ARNT: variants seen among roughly 807,000 people sequenced by gnomAD.
The protein encoded by ARNT is class E basic helix-loop-helix protein 2.
ARNT carries 30 observed loss-of-function variants against 105.0 expected under a neutral mutation model. The observed-to-expected ratio is 0.29, with a 90% CI of 0.21 to 0.39. The LOEUF is 0.39. ARNT is among the 10% of genes least tolerant of loss of function. The pLI is 1.00. For missense variants in ARNT, 748 were observed against 978.7 expected (o/e 0.76, Z 3.15); for synonymous variants, 304 against 344.0 (o/e 0.88, Z 1.29).
intron 19 of ARNT, among the ~76,000 whole-genome samples, chr1:150,815,588 G>T (rs1224540956): frequency 2.7e-5 from 4 of 150,514 alleles, no homozygotes; most frequent in African/African-American, 9.8e-5. Flanking sequence ...AGCCAGGCGC[G>T]GTGGCTCACG....
chr1:150,864,274 G>T (rs1190334060), intron 1 of ARNT, among the ~76,000 whole-genome samples: 1 of 152,052 alleles, frequency 6.6e-6, no homozygotes, highest in African/African-American at 2.4e-5. Context: ...CATCATACAT[G>T]CAGTCCTTTG....
chr1:150,819,148 C>T (rs985920700), intron 14 of ARNT, among the ~76,000 whole-genome samples: 1 of 151,764 alleles, frequency 6.6e-6, no homozygotes, highest in African/African-American at 2.4e-5. Context: ...GAGGTGGATT[C>T]AAGGCCAATT....
intron 19 of ARNT, among the ~76,000 whole-genome samples, chr1:150,815,978 A>G (rs1557849100): frequency 6.6e-6 from 1 of 152,178 alleles, no homozygotes; most frequent in Non-Finnish European, 1.5e-5. Flanking sequence ...AAGAGGAAAC[A>G]TCTTAGAATT....
At chr1:150,844,561 T>G (rs1661834318) in intron 4 of ARNT, among the ~76,000 whole-genome samples, 1 of 152,212 alleles carries the variant, frequency 6.6e-6, no homozygotes, top group Admixed American at 6.5e-5. Context: ...AAATACTAAG[T>G]GCTAAGTGCT....
At chr1:150,835,681 CCAGTT>C (rs1386001430) in intron 7 of ARNT, among the ~76,000 whole-genome samples, 4 of 152,112 alleles carry the variant, frequency 2.6e-5, no homozygotes, top group African/African-American at 9.7e-5. Flanking sequence ...ATTTTAACTA[CCAGTT>C]TTTTTATCTG....
At chr1:150,827,060 A>G (rs1390902924) in intron 12 of ARNT, among the ~76,000 whole-genome samples, 3 of 152,132 alleles carry the variant, frequency 2.0e-5, no homozygotes, top group Non-Finnish European at 4.4e-5. Context: ...GAGAAAAAAA[A>G]AAGACAATAA....
chr1:150,843,343 A>T (rs1661603880), intron 4 of ARNT, among the ~76,000 whole-genome samples: 1 of 152,220 alleles, frequency 6.6e-6, no homozygotes, highest in African/African-American at 2.4e-5. Flanking sequence ...GAATGTGTCA[A>T]TTCCATTTTA....
intron 7 of ARNT, chr1:150,835,002 T>C (rs1445495174): frequency 4.8e-6 from 1 of 206,282 alleles, no homozygotes; most frequent in Admixed American, 5.0e-5. Context: ...CAAGTACTTT[T>C]CTGTAGTCCC....
chr1:150,810,838 A>T lies in ARNT; in HGVS notation c.*1183T>A, dbSNP rs1240493557. ...CCAATCTCAAGATTGGAGGGAGCAA[A>T]GAGGAAAAACCTCTTAGGGCCAGAG... On this transcript the variant is annotated 3_prime_UTR_variant, in exon 22 of 22. Coordinates refer to ENST00000358595, the MANE Select transcript of ARNT (RefSeq NM_001668.4). 4.5e-6 allele frequency: 1 copy of T among 223,068 alleles called. No individual in the cohort carries two copies. Among genetic ancestry groups the T allele is most frequent in the Non-Finnish European group, 9.0e-6 (1 of 111,304 alleles). The allele number at this position is 223,068 out of a possible 1,614,324, so 13.8% of individuals were successfully genotyped here.
At chr1:150,866,140 G>A (rs587752386) in intron 1 of ARNT, among the ~76,000 whole-genome samples, 6 of 152,076 alleles carry the variant, frequency 3.9e-5, no homozygotes, top group East Asian at 1.9e-4. Flanking sequence ...ACACCACCAC[G>A]TCCAACTAAT....
chr1:150,825,255 T>G (rs1183747666), intron 13 of ARNT, among the ~76,000 whole-genome samples: 1 of 152,206 alleles, frequency 6.6e-6, no homozygotes, highest in Non-Finnish European at 1.5e-5. Context: ...TAAACAGTAT[T>G]AGAAGCTAAC....
intron 1 of ARNT, among the ~76,000 whole-genome samples, chr1:150,864,836 T>TA (rs1290570123): frequency 1.3e-3 from 135 of 102,996 alleles, no homozygotes; most frequent in Admixed American, 2.4e-3. Context: ...TGGTGGAATG[T>TA]AAAAAAAAAA....
chr1:150,817,009 G>A (rs2101608897), intron 17 of ARNT, 73 bp downstream of exon 17: 2 of 1,603,896 alleles, frequency 1.2e-6, no homozygotes, highest in Non-Finnish European at 1.7e-6. Context: ...GAAGATTACT[G>A]ACTGGGCAGT....
At chr1:150,856,436 T>C (rs1473875555) in intron 2 of ARNT, among the ~76,000 whole-genome samples, 1 of 146,216 alleles carries the variant, frequency 6.8e-6, no homozygotes, top group African/African-American at 2.6e-5. Context: ...CGAGACTCCA[T>C]CTCAAAAAAA....
chr1:150,855,790 T>A (rs1664495411), intron 2 of ARNT, among the ~76,000 whole-genome samples: 1 of 150,512 alleles, frequency 6.6e-6, no homozygotes, highest in South Asian at 2.1e-4. Context: ...TGGTCCCAGC[T>A]ACTCGGAGAA....
chr1:150,813,229 A>G lies in ARNT; in HGVS notation c.2223T>C (p.Ser741=), dbSNP rs763745736. The G allele has an allele frequency of 6.8e-6, 11 of 1,613,592 alleles. No individual in the cohort carries two copies. Among genetic ancestry groups the G allele is most frequent in the Non-Finnish European group, 8.5e-6 (10 of 1,179,866 alleles). The change falls in exon 21 of 22, where the codon AGT becomes AGC. Residue 741 remains serine (S), a synonymous_variant. Transcript: ENST00000358595. ...CTGGCGGTTGTTGAACATGTTGCTC[A>G]CTAGAACTTGAACGATGATGAGGCT... ...GQQPHHRSSS[S]EQHVQQPPAQ...
intron 1 of ARNT, among the ~76,000 whole-genome samples, chr1:150,872,753 A>T (rs377737236): frequency 2.0e-5 from 3 of 152,154 alleles, no homozygotes; most frequent in African/African-American, 4.8e-5. Context: ...ACTTGAGGCC[A>T]GGAGTTAAAG....
intron 14 of ARNT, among the ~76,000 whole-genome samples, chr1:150,821,600 A>T (rs1420445890): frequency 6.6e-6 from 1 of 152,212 alleles, no homozygotes; most frequent in Non-Finnish European, 1.5e-5. Flanking sequence ...TCTCAACTAC[A>T]AATGGTGCCA....
At position 150,826,559 on chromosome 1, in the gene ARNT, C is replaced by G. The variant is rs752135364; in HGVS notation, c.1226G>C (p.Arg409Thr). 1 of 1,613,178 alleles carries G rather than the reference C, an allele frequency of 6.2e-7. No homozygotes were observed. The highest frequency in any genetic ancestry group is 8.5e-7 in the Non-Finnish European group (1 of 1,179,368). Residue 409 changes from arginine to threonine, a missense_variant, in exon 13 of 22, where the codon AGA (arginine) becomes ACA (threonine). Coordinates refer to ENST00000358595, the MANE Select transcript of ARNT (RefSeq NM_001668.4). Reference sequence around the variant, plus strand: ...AAAAGTTACCTGTTGGAAGCTGTCTCTTAGAAGCTGCTGGTCTTCAGGATG... The same window carrying G: ...AAAAGTTACCTGTTGGAAGCTGTCTGTTAGAAGCTGCTGGTCTTCAGGATG... ...FCHPEDQQLL[R>T]DSFQQVVKLK...
Sources: gnomAD v4.1 joint callset for allele counts (sites outside exome capture counted in the v4.1 genomes callset) on GRCh38, gnomAD v4.1.1 for gene constraint, MANE v1.5 for transcripts, NCBI Gene and HGNC (gene_info 2026-07-23, HGNC 2026-07-21) for gene names.